XNDC1N: variants seen among roughly 807,000 people sequenced by gnomAD.
XNDC1N encodes the protein XRCC1 N-terminal domain containing 1, N-terminal like.
At chr11:71,905,477 A>T in the XNDC1N span, among the ~76,000 whole-genome samples, 3 of 151,692 alleles carry the variant, frequency 2.0e-5, no homozygotes, top group African/African-American at 7.3e-5. Context: ...ACATTACGGT[A>T]ACATCTCCCT....
At chr11:71,885,060 G>C in the XNDC1N span, among the ~76,000 whole-genome samples, 3 of 152,122 alleles carry the variant, frequency 2.0e-5, no homozygotes, top group African/African-American at 7.2e-5. Context: ...ATCATCTCCC[G>C]CTCTGGAGAT....
At chr11:71,913,789 C>T in the XNDC1N span, among the ~76,000 whole-genome samples, 1 of 152,078 alleles carries the variant, frequency 6.6e-6, no homozygotes, top group Non-Finnish European at 1.5e-5. Context: ...AGGGCTAATG[C>T]AGCTGGTGAC....
the XNDC1N span, among the ~76,000 whole-genome samples, chr11:71,904,648 C>T: frequency 1.1e-4 from 16 of 152,150 alleles, no homozygotes; most frequent in South Asian, 2.1e-4. Flanking sequence ...TGACCTTTTG[C>T]GCACACTTTG....
chr11:71,904,915 T>C, the XNDC1N span, among the ~76,000 whole-genome samples: 1 of 151,966 alleles, frequency 6.6e-6, no homozygotes, highest in South Asian at 2.1e-4. Flanking sequence ...AACATACCCC[T>C]AGGACATTAC....
chr11:71,915,567 C>T, the XNDC1N span, among the ~76,000 whole-genome samples: 4 of 152,106 alleles, frequency 2.6e-5, no homozygotes, highest in African/African-American at 9.7e-5. Context: ...GATCTGGAAC[C>T]AAACCTGGAA....
At chr11:71,915,993 C>T in the XNDC1N span, 1 of 661,830 alleles carries the variant, frequency 1.5e-6, no homozygotes. Context: ...GTGTCTATGT[C>T]TCAAACAAGC....
chr11:71,915,228 C>A, the XNDC1N span, among the ~76,000 whole-genome samples: 3 of 152,072 alleles, frequency 2.0e-5, no homozygotes, highest in Non-Finnish European at 4.4e-5. Context: ...ACGGGAGGAT[C>A]ACGAGGTCAG....
chr11:71,908,736 T>C, the XNDC1N span, among the ~76,000 whole-genome samples: 1 of 152,286 alleles, frequency 6.6e-6, no homozygotes, highest in East Asian at 1.9e-4. Context: ...CCTGTGCTGA[T>C]TGGCACCAGT....
the XNDC1N span, among the ~76,000 whole-genome samples, chr11:71,918,096 A>T: frequency 1.3e-5 from 2 of 152,178 alleles, no homozygotes; most frequent in African/African-American, 4.8e-5. Context: ...GGTGCCTGAC[A>T]TCTCTCTGTC....
chr11:71,907,583 C>G, the XNDC1N span, among the ~76,000 whole-genome samples: 1 of 152,010 alleles, frequency 6.6e-6, no homozygotes, highest in Non-Finnish European at 1.5e-5. Flanking sequence ...GCTGTACACC[C>G]GTCTGTATTG....
chr11:71,903,154 C>T, the XNDC1N span: 1 of 677,060 alleles, frequency 1.5e-6, no homozygotes, highest in East Asian at 2.8e-5. Flanking sequence ...TTTTTCAACC[C>T]TCTTTTCCAG....
chr11:71,908,408 T>C, the XNDC1N span, among the ~76,000 whole-genome samples: 32 of 151,990 alleles, frequency 2.1e-4, no homozygotes, highest in Non-Finnish European at 3.5e-4. Context: ...AAAAATTATA[T>C]TATGGGTTAT....
At chr11:71,921,893 G>A in the XNDC1N span, among the ~76,000 whole-genome samples, 1 of 152,132 alleles carries the variant, frequency 6.6e-6, no homozygotes, top group South Asian at 2.1e-4. Flanking sequence ...GGGCATGGTG[G>A]CTCACACCTG....
At chr11:71,893,269 G>A in the XNDC1N span, 2 of 458,766 alleles carry the variant, frequency 4.4e-6, no homozygotes. Context: ...TGAACAGAAA[G>A]CCTTGTATAG....
chr11:71,927,394 G>A, the XNDC1N span, among the ~76,000 whole-genome samples: 2 of 152,088 alleles, frequency 1.3e-5, no homozygotes, highest in Admixed American at 1.3e-4. Context: ...GTGGTGGCGC[G>A]TACGTAGTCC....
At chr11:71,920,092 G>A in the XNDC1N span, among the ~76,000 whole-genome samples, 1 of 149,096 alleles carries the variant, frequency 6.7e-6, no homozygotes, top group Admixed American at 6.7e-5. Flanking sequence ...CGAATAGCTG[G>A]GACTACAGGC....
At chr11:71,928,236 C>G in the XNDC1N span, 2 of 547,634 alleles carry the variant, frequency 3.7e-6, no homozygotes, top group Admixed American at 6.6e-5. Flanking sequence ...CTCTCAGTTT[C>G]GGGAGCTCAA....
At chr11:71,921,898 C>T in the XNDC1N span, among the ~76,000 whole-genome samples, 1 of 152,096 alleles carries the variant, frequency 6.6e-6, no homozygotes. Context: ...TGGTGGCTCA[C>T]ACCTGTAAAT....
the XNDC1N span, among the ~76,000 whole-genome samples, chr11:71,886,893 A>G: frequency 2.6e-5 from 4 of 152,188 alleles, no homozygotes; most frequent in East Asian, 1.9e-4. Flanking sequence ...AAGGGAAGGG[A>G]GGCCCTGGGA....
Sources: allele counts gnomAD v4.1 joint callset (sites outside exome capture counted in the v4.1 genomes callset), GRCh38; gene constraint gnomAD v4.1.1; transcripts MANE v1.5; gene names NCBI Gene and HGNC (gene_info 2026-07-23, HGNC 2026-07-21).